The following CDC14B variants were observed in gnomAD, a reference collection of about 807,000 sequenced individuals.
CDC14B encodes cell division cycle 14B, also known as dual specificity protein phosphatase CDC14B.
In CDC14B, 22 loss-of-function variants were observed where a neutral mutation model predicts 64.2. The ratio of observed to expected loss-of-function variants is 0.34; its 90% confidence interval spans 0.24 to 0.49. The LOEUF is 0.49. Among genes scored for constraint, CDC14B ranks in the 20% least tolerant of loss-of-function variants. The probability of loss-of-function intolerance (pLI) is 0.99; values close to 1 mark genes in which losing one functional copy is unlikely to be tolerated. For synonymous variants in CDC14B, 191 were observed against 215.8 expected (o/e 0.89, Z 1.01); for missense variants, 498 against 629.9 (o/e 0.79, Z 2.24).
intron 3 of CDC14B, among the ~76,000 whole-genome samples, chr9:96,563,069 A>AAAGACCACC (rs1843431062): frequency 6.6e-6 from 1 of 152,232 alleles, no homozygotes; most frequent in South Asian, 2.1e-4. Flanking sequence ...GAGTGGTAGA[A>AAAGACCACC]AAGACCACCT....
chr9:96,508,839 T>C (rs1290607940), intron 13 of CDC14B, among the ~76,000 whole-genome samples: 1 of 152,232 alleles, frequency 6.6e-6, no homozygotes, highest in African/African-American at 2.4e-5. Flanking sequence ...CGGATATACA[T>C]GGCAGGGAAG....
In CDC14B at chr9:96,500,503, T is replaced by C. The variant is rs1215111857; in HGVS notation, c.*3250A>G. ...ATCGGATGAACATGTCTGCTGACAA[T>C]TCTACCAGGTAATTAAGGAGGTAAT... On this transcript the variant is annotated 3_prime_UTR_variant, in exon 14 of 14. Transcript: ENST00000375241. The C allele has an allele frequency of 6.8e-6, 1 of 146,206 alleles. No homozygotes were observed. The highest frequency in any genetic ancestry group is 2.6e-5 in the African/African-American group (1 of 38,580). 9.1% of individuals were successfully genotyped at this position (146,206 alleles called of 1,614,324 possible). A position where few individuals can be genotyped will look rare whatever the true frequency, so the allele number is the denominator to read the frequency against.
intron 5 of CDC14B, among the ~76,000 whole-genome samples, chr9:96,551,111 C>CTTTTTTTTT (rs202193145): frequency 0.01 from 978 of 93,188 alleles, 172 homozygotes; most frequent in African/African-American, 0.045. Context: ...TTGGGGTTTG[C>CTTTTTTTTT]TTTTTTTTTT....
At chr9:96,570,964 G>T (rs575986510) in intron 1 of CDC14B, among the ~76,000 whole-genome samples, 8 of 152,216 alleles carry the variant, frequency 5.3e-5, no homozygotes, top group Admixed American at 3.3e-4. Context: ...TAGGATTTTA[G>T]CACAGCAACG....
chr9:96,513,619 G>A (rs947307255), intron 12 of CDC14B, among the ~76,000 whole-genome samples: 6 of 152,108 alleles, frequency 3.9e-5, no homozygotes, highest in African/African-American at 1.4e-4. Context: ...CAAGGAACAC[G>A]GCAAAGCCAA....
Position 96,566,686 on chromosome 9 carries a change from G to A in CDC14B, c.161-1203C>T. On this transcript the variant is annotated intron_variant, in intron 1 of 13. Transcript: ENST00000375241. The stretch of plus-strand genomic sequence containing the variant: ...AGGGCGGCCGGGGCCCAGACTAGGG[G>A]CACCTCCAAGCCAGCACTGCCCGCC... 6 of 1,363,270 alleles carry A rather than the reference G, an allele frequency of 4.4e-6. No individual in the cohort carries two copies. In the East Asian group the frequency reaches 1.5e-4, roughly 34 times the overall value. The allele number at this position is 1,363,270 out of a possible 1,614,324, so 84.4% of individuals were successfully genotyped here.
At position 96,588,257 on chromosome 9, in the gene CDC14B, T is replaced by C. The variant is rs1390148020; in HGVS notation, c.161-22774A>G. Among the ~76,000 whole-genome samples, 7 of 152,252 alleles carry C rather than the reference T, an allele frequency of 4.6e-5. No individual in the cohort carries two copies. The East Asian group carries it at 1.4e-3, about 30-fold the overall frequency. On this transcript the variant is annotated intron_variant, in intron 1 of 13. Coordinates refer to ENST00000375241, the MANE Select transcript of CDC14B (RefSeq NM_033331.4). ...CAGCAAAGGAGTGTGCTGCTTTTAC[T>C]TATAAGCCGGCTTTTACAACAACAC...
At chr9:96,531,027 A>C (rs1310374299) in intron 9 of CDC14B, among the ~76,000 whole-genome samples, 1 of 152,142 alleles carries the variant, frequency 6.6e-6, no homozygotes, top group Non-Finnish European at 1.5e-5. Flanking sequence ...AATCCTTTTA[A>C]ATATGCTGCT....
At chr9:96,580,537 C>T (rs2118318445) in intron 1 of CDC14B, among the ~76,000 whole-genome samples, 1 of 152,216 alleles carries the variant, frequency 6.6e-6, no homozygotes, top group Non-Finnish European at 1.5e-5. Flanking sequence ...GGCTAGATTG[C>T]TACTTTTATA....
At chr9:96,590,651 T>C (rs1274601971) in intron 1 of CDC14B, among the ~76,000 whole-genome samples, 1 of 119,564 alleles carries the variant, frequency 8.4e-6, no homozygotes, top group African/African-American at 4.9e-5. Context: ...TATTTCCTGG[T>C]TTTTTTTTTT....
At chr9:96,611,350 G>A (rs73656912) in intron 1 of CDC14B, among the ~76,000 whole-genome samples, 6,880 of 152,212 alleles carry the variant, frequency 0.045, 541 homozygotes, top group African/African-American at 0.16. Flanking sequence ...TAGTTCCTGC[G>A]AACCAGTCTG....
intron 1 of CDC14B, among the ~76,000 whole-genome samples, chr9:96,606,656 T>C (rs1002431498): frequency 2.6e-5 from 4 of 151,100 alleles, no homozygotes; most frequent in Non-Finnish European, 5.9e-5. Context: ...AACCTCTACC[T>C]CCCGGGTTCA....
downstream of CDC14B, among the ~76,000 whole-genome samples, chr9:96,499,870 G>A (rs986517610): frequency 2.6e-5 from 4 of 152,326 alleles, no homozygotes; most frequent in South Asian, 2.1e-4. Flanking sequence ...AGGAGGCAGC[G>A]CCTCCAAGCC....
chr9:96,596,378 A>C (rs1846078224), intron 1 of CDC14B, among the ~76,000 whole-genome samples: 1 of 150,998 alleles, frequency 6.6e-6, no homozygotes. Context: ...AAAAAAAAAA[A>C]AACACACAAA....
intron 1 of CDC14B, chr9:96,618,420 A>C: frequency 5.8e-6 from 3 of 514,316 alleles, no homozygotes; most frequent in Non-Finnish European, 1.2e-5. Context: ...AACAGCTGCC[A>C]AATTGGATTT....
intron 9 of CDC14B, among the ~76,000 whole-genome samples, chr9:96,526,351 G>A (rs1837562030): frequency 6.6e-6 from 1 of 152,200 alleles, no homozygotes; most frequent in African/African-American, 2.4e-5. Flanking sequence ...CTGGGAGACA[G>A]AGCGAGACTC....
chr9:96,618,324 GA>G (rs1391773071), intron 1 of CDC14B, among the ~76,000 whole-genome samples: 3 of 152,176 alleles, frequency 2.0e-5, no homozygotes, highest in African/African-American at 7.2e-5. Context: ...CAAAATCGTG[GA>G]CAGCTCTGCT....
intron 1 of CDC14B, among the ~76,000 whole-genome samples, chr9:96,610,098 TACACACACACAC>T (rs570379220): frequency 6.7e-6 from 1 of 149,466 alleles, no homozygotes; most frequent in Non-Finnish European, 1.5e-5. Context: ...GATATATAGA[TACACACACACAC>T]ACACACACAC....
chr9:96,564,941 T>C (rs1843704894), intron 2 of CDC14B, 89 bp from the exon 3 acceptor site: 1 of 777,820 alleles, frequency 1.3e-6, no homozygotes, highest in East Asian at 2.7e-5. Flanking sequence ...CAAATTAAGA[T>C]AAGCAAGCAT....
Sources: allele counts gnomAD v4.1 joint callset (sites outside exome capture counted in the v4.1 genomes callset), GRCh38; gene constraint gnomAD v4.1.1; transcripts MANE v1.5; gene names NCBI Gene and HGNC (gene_info 2026-07-23, HGNC 2026-07-21).